ODAD1: variants seen among roughly 807,000 people sequenced by gnomAD.
The protein encoded by ODAD1 is outer dynein arm docking complex subunit 1, also known as outer dynein arm-docking complex subunit 1.
In ODAD1, 49 loss-of-function variants were observed where a neutral mutation model predicts 67.2. That is an observed-to-expected ratio of 0.73 (90% CI 0.58 to 0.92). ODAD1 has a LOEUF of 0.92. Among genes scored for constraint, ODAD1 ranks in the 40% least tolerant of loss-of-function variants. The probability of loss-of-function intolerance (pLI) is 0.00; values close to 1 mark genes in which losing one functional copy is unlikely to be tolerated. For synonymous variants in ODAD1, 345 were observed against 393.7 expected, an observed-to-expected ratio of 0.88 and a Z score of 1.46; for missense variants, 897 against 953.7, an observed-to-expected ratio of 0.94 and a Z score of 0.78.
rs554452263 is a variant in ODAD1, at chr19:48,300,641, A to G, written c.1240+2053T>C. ...TTACCAAAAGTCTAGTATCTAGAAT[A>G]TACAAAGAACTCCTTCAACTCAGTT... On this transcript the variant is annotated intron_variant, in intron 12 of 15. Transcript: ENST00000674294. 3.9e-5 allele frequency among the ~76,000 whole-genome samples: 6 copies of G among 152,346 alleles called. No homozygotes were observed. In the East Asian group the frequency reaches 1.2e-3, roughly 29 times the overall value.
intron 7 of ODAD1, among the ~76,000 whole-genome samples, chr19:48,307,802 G>A (rs976279840): frequency 1.4e-5 from 2 of 139,674 alleles, no homozygotes; most frequent in Non-Finnish European, 3.0e-5. Context: ...TAGCCTGGGT[G>A]ACAAAGCGAG....
chr19:48,316,343 G>A (rs1019633046), intron 5 of ODAD1, among the ~76,000 whole-genome samples: 11 of 151,460 alleles, frequency 7.3e-5, no homozygotes, highest in African/African-American at 2.7e-4. Context: ...TTGTGCCATT[G>A]CACTCCAGCC....
chr19:48,306,367 C>T (rs1301776376), intron 7 of ODAD1, 44 bp from the exon 8 acceptor site: 2 of 1,497,228 alleles, frequency 1.3e-6, no homozygotes, highest in South Asian at 1.2e-5. Flanking sequence ...TCTTACAACC[C>T]CATTGCTCGA....
At chr19:48,317,805 G>A (rs1452514137) in intron 5 of ODAD1, among the ~76,000 whole-genome samples, 1 of 151,938 alleles carries the variant, frequency 6.6e-6, no homozygotes, top group Non-Finnish European at 1.5e-5. Context: ...GAGCACAGTG[G>A]CTCACGCCTG....
rs769522909 is a variant in ODAD1, at chr19:48,298,170, C to T, written c.1404+7G>A. Reference sequence around the variant, plus strand: ...GCCTCCTGTCCCGGCTCCCTGCCGTCTCCCACCTGGGCATGTAGGAAGGCC... The same window carrying T: ...GCCTCCTGTCCCGGCTCCCTGCCGTTTCCCACCTGGGCATGTAGGAAGGCC... On this transcript the variant is annotated splice_region_variant and intron_variant, in intron 13 of 15. Transcript: ENST00000674294. 8 of 1,612,380 alleles carry T rather than the reference C, an allele frequency of 5.0e-6. No individual in the cohort carries two copies. In the Admixed American group the frequency reaches 5.0e-5, roughly 10 times the overall value.
Position 48,296,810 on chromosome 19 carries a change from T to C in ODAD1, c.*166A>G, listed in dbSNP as rs897115430. On this transcript the variant is annotated 3_prime_UTR_variant, in exon 16 of 16. Transcript: ENST00000674294. ...AGAGAAAGGAACCGGGAGACACAGG[T>C]GAGGCGGTGATGAAGGGCAGATGAA... 19 of 1,418,734 alleles carry C rather than the reference T, an allele frequency of 1.3e-5. No homozygotes were observed. The highest frequency in any genetic ancestry group is 1.6e-5 in the Non-Finnish European group (18 of 1,092,866). The allele number at this position is 1,418,734 out of a possible 1,614,324, so 87.9% of individuals were successfully genotyped here.
chr19:48,316,599 T>C (rs2147334072), intron 5 of ODAD1, among the ~76,000 whole-genome samples: 1 of 152,324 alleles, frequency 6.6e-6, no homozygotes, highest in East Asian at 1.9e-4. Context: ...TTTCTCCCAG[T>C]CTGGACCTTG....
chr19:48,302,794 C>T lies in ODAD1; in HGVS notation c.1140G>A (p.Gln380=). ...TGTCCATGCGCTGCTGCAACACCTT[C>T]TGCTGCTGCTCCTGCAGCAAATGCT... The part of the protein sequence containing the change: ...DDQHLLQEQQ[Q]KVLQQRMDKV... The change falls in exon 12 of 16, where the codon CAG becomes CAA. Residue 380 remains glutamine (Q), a synonymous_variant. Coordinates refer to ENST00000674294, the MANE Select transcript of ODAD1 (RefSeq NM_001364171.2). 1 of 1,613,836 alleles carries T rather than the reference C, an allele frequency of 6.2e-7. No homozygotes were observed. The highest frequency in any genetic ancestry group is 8.5e-7 in the Non-Finnish European group (1 of 1,179,816).
chr19:48,320,427 A>AGGCG, intron 2 of ODAD1, 36 bp from the exon 3 acceptor site: 1 of 1,186,700 alleles, frequency 8.4e-7, no homozygotes. Flanking sequence ...TTCAGACAGC[A>AGGCG]GGCGGGCCAG....
chr19:48,313,358 G>T (rs1600870497), intron 5 of ODAD1, among the ~76,000 whole-genome samples: 1 of 146,538 alleles, frequency 6.8e-6, no homozygotes, highest in East Asian at 2.0e-4. Flanking sequence ...AACCCAGGAG[G>T]AGAGGTTGCA....
In ODAD1 at chr19:48,312,052, A is replaced by G. The variant is rs146960725; in HGVS notation, c.425T>C (p.Leu142Pro). 7.0e-5 allele frequency: 108 copies of G among 1,550,212 alleles called. No individual in the cohort carries two copies. The highest frequency in any genetic ancestry group is 9.2e-5 in the Non-Finnish European group (105 of 1,145,342). Residue 142 changes from leucine to proline, a missense_variant, in exon 6 of 16, where the codon CTG (leucine) becomes CCG (proline). Physicochemically the swap from Leu to Pro is moderately conservative, Grantham distance 98. Coordinates refer to ENST00000674294, the MANE Select transcript of ODAD1 (RefSeq NM_001364171.2). ...TCGCCTGATCTTGACCTTCTGATCC[A>G]GGATGAATCCCGGGGACCTGACATT... is the stretch of plus-strand genomic sequence containing the variant. ...SKNVRSPGFI[L>P]DQKVKIRRRI...
At chr19:48,298,407 T>C (rs1322913853) in intron 12 of ODAD1, 67 bp from the exon 13 acceptor site, 1 of 1,526,612 alleles carries the variant, frequency 6.6e-7, no homozygotes, top group African/African-American at 1.4e-5. Context: ...CTCTCCCCAC[T>C]CAGGTCCTCA....
At chr19:48,320,208 C>T in intron 3 of ODAD1, 91 bp downstream of exon 3, 1 of 937,240 alleles carries the variant, frequency 1.1e-6, no homozygotes, top group Non-Finnish European at 1.4e-6. Context: ...CCTGGACAGA[C>T]ACTCTCCCTC....
intron 14 of ODAD1, 143 bp from the exon 15 acceptor site, chr19:48,297,811 T>A: frequency 9.1e-6 from 8 of 874,484 alleles, no homozygotes; most frequent in Non-Finnish European, 1.3e-5. Flanking sequence ...CGGGGCCCCA[T>A]CCTCCCACAC....
intron 8 of ODAD1, among the ~76,000 whole-genome samples, chr19:48,304,956 C>T (rs1041868770): frequency 7.9e-5 from 12 of 152,054 alleles, no homozygotes; most frequent in African/African-American, 2.2e-4. Flanking sequence ...TGCACGGCCC[C>T]GTGAATGTAC....
chr19:48,305,778 C>T (rs1007419930), intron 8 of ODAD1, among the ~76,000 whole-genome samples: 2 of 151,116 alleles, frequency 1.3e-5, no homozygotes, highest in African/African-American at 2.4e-5. Flanking sequence ...AGAACAGGGC[C>T]GGTGGGGTGC....
chr19:48,318,449 G>T lies in ODAD1; in HGVS notation c.298C>A (p.Arg100=). The stretch of plus-strand genomic sequence containing the variant: ...TCGATCTCCGCCTGCACCTGGGCCC[G>T]GCCCTTCAGCAGGCGGTCCATGTTC... ...LENMDRLLKG[R]AQVQAEIEEL... The change falls in exon 5 of 16, where the codon CGG becomes AGG. Residue 100 remains arginine (R), a synonymous_variant. Transcript: ENST00000674294. 6.4e-7 allele frequency: 1 copy of T among 1,551,626 alleles called. No individual in the cohort carries two copies. The highest frequency in any genetic ancestry group is 8.7e-7 in the Non-Finnish European group (1 of 1,146,984).
chr19:48,302,563 T>C, intron 12 of ODAD1, 131 bp downstream of exon 12: 1 of 679,176 alleles, frequency 1.5e-6, no homozygotes, highest in Non-Finnish European at 2.5e-6. Context: ...GTTGGAAAGA[T>C]GGACAGATAT....
chr19:48,311,895 G>T, intron 6 of ODAD1, 99 bp downstream of exon 6: 2 of 1,156,960 alleles, frequency 1.7e-6, no homozygotes, highest in Non-Finnish European at 2.5e-6. Context: ...TGACACATAT[G>T]TGCACACACT....
Sources: allele counts gnomAD v4.1 joint callset (sites outside exome capture counted in the v4.1 genomes callset), GRCh38; gene constraint gnomAD v4.1.1; transcripts MANE v1.5; gene names NCBI Gene and HGNC (gene_info 2026-07-23, HGNC 2026-07-21).